The following IBTK variants were observed in gnomAD, a reference collection of about 807,000 sequenced individuals.
IBTK encodes the protein BTK-binding protein.
Under a neutral mutation model 154.9 loss-of-function variants are expected in IBTK, and 83 were observed. The ratio of observed to expected loss-of-function variants is 0.54; its 90% CI spans 0.45 to 0.64. The LOEUF (loss-of-function observed/expected upper bound fraction) is 0.64, where lower values mean the gene tolerates loss of function less well. Ranked by LOEUF, IBTK falls within the 30% of genes least tolerant of loss-of-function variation. IBTK has a pLI of 0.00. For missense variants in IBTK, 1,332 were observed against 1,584.6 expected (o/e 0.84, Z 2.71); for synonymous variants, 515 against 536.1 (o/e 0.96, Z 0.54).
intron 4 of IBTK, among the ~76,000 whole-genome samples, chr6:82,228,747 G>A (rs528439962): frequency 1.5e-4 from 22 of 151,448 alleles, no homozygotes; most frequent in Admixed American, 1.2e-3. Flanking sequence ...TCAGCCTCCC[G>A]AGTAGCTGGG....
In IBTK at chr6:82,171,376, T is replaced by C. The variant is rs111734593; in HGVS notation, c.*49A>G. 7.2e-6 allele frequency: 11 copies of C among 1,523,206 alleles called. No homozygotes were observed. The highest frequency in any genetic ancestry group is 1.2e-5 in the South Asian group (1 of 82,526). The allele number at this position is 1,523,206 out of a possible 1,614,324, so 94.4% of individuals were successfully genotyped here. ...GACTCTTTTCCACAGCTTTTCTTTA[T>C]ATGAACAAACTCATAATTATGTAAA... On this transcript the variant is annotated 3_prime_UTR_variant, in exon 29 of 29. Transcript: ENST00000306270.
chr6:82,241,149 C>T (rs527926893), intron 1 of IBTK, among the ~76,000 whole-genome samples: 1 of 152,196 alleles, frequency 6.6e-6, no homozygotes, highest in East Asian at 1.9e-4. Context: ...ATCCTTACTC[C>T]ATTTTTCCAC....
chr6:82,212,387 A>C (rs1221481241), intron 13 of IBTK, among the ~76,000 whole-genome samples: 1 of 152,176 alleles, frequency 6.6e-6, no homozygotes, highest in Non-Finnish European at 1.5e-5. Context: ...AAGAGGTATA[A>C]TTAATTGGTT....
At chr6:82,186,704 A>T (rs1180056365) in intron 25 of IBTK, among the ~76,000 whole-genome samples, 1 of 152,094 alleles carries the variant, frequency 6.6e-6, no homozygotes, top group Non-Finnish European at 1.5e-5. Flanking sequence ...GATGATAATA[A>T]TTCAGAATAT....
Position 82,181,906 on chromosome 6 carries a change from T to C in IBTK, c.3698A>G (p.Glu1233Gly). The C allele has an allele frequency of 1.3e-6, 2 of 1,583,902 alleles. No homozygotes were observed. The highest frequency in any genetic ancestry group is 1.7e-6 in the Non-Finnish European group (2 of 1,172,634). The change falls in exon 26 of 29, where the codon GAA becomes GGA. Residue 1233 changes from glutamate to glycine, a missense_variant. Physicochemically the swap from Glu to Gly is moderately conservative, Grantham distance 98 (BLOSUM62 -2). This residue lies in a region of IBTK where 1,134 missense variants were observed against 1,274.7 expected (regional missense o/e 0.89). Coordinates refer to ENST00000306270, the MANE Select transcript of IBTK (RefSeq NM_015525.4). ...GACAATTTTTGGTGCCTGAGAATTTTCAATTCCTTTAAAAGAAACTTTTTT... is the reference window on the plus strand; with the variant it reads ...GACAATTTTTGGTGCCTGAGAATTTCCAATTCCTTTAAAAGAAACTTTTTT... Reference protein sequence around the residue: ...HVKKVSFKGIENSQAPKIVRC... With the variant: ...HVKKVSFKGIGNSQAPKIVRC...
chr6:82,227,156 A>G (rs1270754391), intron 5 of IBTK, 36 bp downstream of exon 5: 10 of 1,405,952 alleles, frequency 7.1e-6, no homozygotes, highest in South Asian at 1.3e-5. Flanking sequence ...GCATTTTTCT[A>G]AAGTTACCTA....
At chr6:82,203,912 C>T (rs564807766) in intron 17 of IBTK, among the ~76,000 whole-genome samples, 1 of 152,172 alleles carries the variant, frequency 6.6e-6, no homozygotes, top group East Asian at 1.9e-4. Flanking sequence ...AAAGTGAGAA[C>T]TAAAATGCCA....
At chr6:82,199,481 C>T (rs1244779097) in intron 21 of IBTK, among the ~76,000 whole-genome samples, 1 of 152,126 alleles carries the variant, frequency 6.6e-6, no homozygotes, top group African/African-American at 2.4e-5. Context: ...CAAACAGGCT[C>T]ACATAATGCC....
At position 82,181,949 on chromosome 6, in the gene IBTK, T is replaced by A. The variant is rs943968894; in HGVS notation, c.3655A>T (p.Ser1219Cys). The A allele has an allele frequency of 6.2e-7, 1 of 1,603,614 alleles. No homozygotes were observed. The highest frequency in any genetic ancestry group is 1.3e-5 in the African/African-American group (1 of 74,320). ...LEEKKSVTSHSSGDHVKKVSF... is the reference protein window; with the variant it reads ...LEEKKSVTSHCSGDHVKKVSF... ...ACTTTTTTGACATGATCGCCTGAAC[T>A]ATGGCTAGTAACAGACTTTTTTTCT... The change falls in exon 26 of 29, where the codon AGT becomes TGT. Residue 1219 changes from serine (S) to cysteine (C), a missense_variant. Around this residue, in one of 3 missense-constraint regions of IBTK, gnomAD observed 1,134 missense variants for 1,274.7 expected, o/e 0.89. Transcript: ENST00000306270.
At chr6:82,203,052 A>G (rs1235967956) in intron 17 of IBTK, among the ~76,000 whole-genome samples, 2 of 151,850 alleles carry the variant, frequency 1.3e-5, no homozygotes, top group African/African-American at 2.4e-5. Context: ...TAAAAAAGAT[A>G]TAAAACTAAG....
chr6:82,184,947 C>T (rs1455750665), intron 25 of IBTK, among the ~76,000 whole-genome samples: 1 of 151,878 alleles, frequency 6.6e-6, no homozygotes, highest in Non-Finnish European at 1.5e-5. Context: ...TTTGGGAGGC[C>T]AAGGTGGATG....
At chr6:82,245,804 T>G (rs181515145) in intron 1 of IBTK, among the ~76,000 whole-genome samples, 1 of 152,108 alleles carries the variant, frequency 6.6e-6, no homozygotes, top group African/African-American at 2.4e-5. Flanking sequence ...AAGACATACT[T>G]AGGATCTTGA....
In IBTK at chr6:82,220,720, GAA is replaced by G. The variant is rs34032511; in HGVS notation, c.1125-9_1125-8del. On this transcript the variant is annotated splice_region_variant and splice_polypyrimidine_tract_variant and intron_variant, in intron 8 of 28. Transcript: ENST00000306270. ...TTTTTTCAAGTTCAACTGTCTAGAT[GAA>G]AAAAAAAAAAATCCTAGATTAATAT... 563 of 1,250,882 alleles carry G rather than the reference GAA, an allele frequency of 4.5e-4. No individual in the cohort carries two copies. Among genetic ancestry groups the G allele is most frequent in the South Asian group, 9.8e-4 (61 of 62,344 alleles). 77.5% of individuals were successfully genotyped at this position (1,250,882 alleles called of 1,614,324 possible). A position where few individuals can be genotyped will look rare whatever the true frequency, so the allele number is the denominator to read the frequency against.
At chr6:82,237,768 T>G (rs1002339095) in intron 2 of IBTK, among the ~76,000 whole-genome samples, 2 of 151,542 alleles carry the variant, frequency 1.3e-5, no homozygotes, top group African/African-American at 4.8e-5. Context: ...ATAATAAAAA[T>G]TATTCTTATC....
intron 1 of IBTK, 34 bp from the exon 2 acceptor site, chr6:82,240,877 A>G: frequency 2.5e-6 from 1 of 405,748 alleles, no homozygotes; most frequent in African/African-American, 2.0e-5. Flanking sequence ...ATAAAAATTC[A>G]AAATCTGTCT....
chr6:82,207,410 T>C (rs1769456437), intron 16 of IBTK, among the ~76,000 whole-genome samples: 1 of 151,900 alleles, frequency 6.6e-6, no homozygotes, highest in Non-Finnish European at 1.5e-5. Context: ...CAAAAATCAT[T>C]GAAAGAAATT....
Position 82,200,705 on chromosome 6 carries a change from G to C in IBTK, c.2794C>G (p.Pro932Ala). Reference sequence around the variant, plus strand: ...GTAATGACTCTTCTATCCATTGCTGGAATCTGCAGAATTGAAGATATCACT... The same window carrying C: ...GTAATGACTCTTCTATCCATTGCTGCAATCTGCAGAATTGAAGATATCACT... ...DLSEFYRKMIPAMDRRVITPY... is the reference protein window; with the variant it reads ...DLSEFYRKMIAAMDRRVITPY... The change falls in exon 20 of 29, where the codon CCA becomes GCA. Residue 932 changes from proline (P) to alanine (A), a missense_variant. Pro to Ala is a conservative substitution (Grantham distance 27). Around this residue, in one of 3 missense-constraint regions of IBTK, gnomAD observed 1,134 missense variants for 1,274.7 expected, o/e 0.89. Coordinates refer to ENST00000306270, the MANE Select transcript of IBTK (RefSeq NM_015525.4). 6.5e-7 allele frequency: 1 copy of C among 1,541,656 alleles called. No individual in the cohort carries two copies. The highest frequency in any genetic ancestry group is 8.7e-7 in the Non-Finnish European group (1 of 1,151,388).
At chr6:82,200,021 T>C in intron 21 of IBTK, 120 bp downstream of exon 21, 1 of 666,782 alleles carries the variant, frequency 1.5e-6, no homozygotes, top group East Asian at 2.6e-5. Flanking sequence ...GTACTTACAA[T>C]AAACTATCAC....
At chr6:82,219,534 T>G (rs894671926) in intron 9 of IBTK, among the ~76,000 whole-genome samples, 1 of 151,868 alleles carries the variant, frequency 6.6e-6, no homozygotes, top group African/African-American at 2.4e-5. Flanking sequence ...TAAATATAAT[T>G]TTTAAAATCT....
Sources: allele counts gnomAD v4.1 joint callset (sites outside exome capture counted in the v4.1 genomes callset), GRCh38; gene constraint gnomAD v4.1.1; regional missense constraint gnomAD v4.1.1; transcripts MANE v1.5; gene names NCBI Gene and HGNC (gene_info 2026-07-23, HGNC 2026-07-21).